The following NME7 variants were observed in gnomAD, a reference collection of about 807,000 sequenced individuals.
NME7 encodes NME/NM23 family member 7.
A neutral mutation model predicts 49.1 loss-of-function variants in NME7; 41 were observed. The ratio of observed to expected loss-of-function variants is 0.83; its 90% CI spans 0.65 to 1.08. The LOEUF is 1.08. Among genes scored for constraint, NME7 ranks in the 50% least tolerant of loss-of-function variants. The pLI is 0.00. For synonymous variants in NME7, 139 were observed against 150.6 expected (o/e 0.92, Z 0.56); for missense variants, 423 against 463.4 (o/e 0.91, Z 0.80).
intron 1 of NME7, among the ~76,000 whole-genome samples, chr1:169,363,044 A>G (rs1241234375): frequency 6.6e-6 from 1 of 151,702 alleles, no homozygotes; most frequent in East Asian, 1.9e-4. Context: ...GTCCAAGACC[A>G]GGCTGGGCAG....
intron 7 of NME7, among the ~76,000 whole-genome samples, chr1:169,253,878 T>C (rs1278126832): frequency 1.3e-5 from 2 of 150,966 alleles, no homozygotes; most frequent in African/African-American, 4.9e-5. Flanking sequence ...TTGATTTGTG[T>C]ATATTGAACC....
intron 10 of NME7, among the ~76,000 whole-genome samples, chr1:169,195,902 C>T (rs1660369073): frequency 6.6e-6 from 1 of 152,064 alleles, no homozygotes; most frequent in Admixed American, 6.5e-5. Context: ...TGTTTAGAAG[C>T]TAATACTTAC....
chr1:169,164,073 G>A (rs919849314), intron 11 of NME7, among the ~76,000 whole-genome samples: 1 of 148,702 alleles, frequency 6.7e-6, no homozygotes, highest in African/African-American at 2.5e-5. Flanking sequence ...CTGCACCACT[G>A]CACTCCAGCC....
intron 11 of NME7, among the ~76,000 whole-genome samples, chr1:169,135,039 A>AAAAAAAAAAAAAAG (rs1658388594): frequency 6.7e-6 from 1 of 148,854 alleles, no homozygotes. Context: ...AAAAAAAAAA[A>AAAAAAAAAAAAAAG]AATAGCCGAG....
chr1:169,269,078 G>T, intron 7 of NME7, among the ~76,000 whole-genome samples: 1 of 131,364 alleles, frequency 7.6e-6, no homozygotes, highest in Admixed American at 7.5e-5. Flanking sequence ...ACCTCTTCAG[G>T]GCCATTAAAT....
chr1:169,328,581 A>G (rs1652147865), intron 1 of NME7, among the ~76,000 whole-genome samples: 1 of 152,210 alleles, frequency 6.6e-6, no homozygotes, highest in African/African-American at 2.4e-5. Context: ...GGAAAAAGGG[A>G]TTTATGATGG....
chr1:169,208,702 G>T (rs1490240632), intron 10 of NME7, among the ~76,000 whole-genome samples: 1 of 152,062 alleles, frequency 6.6e-6, no homozygotes, highest in Non-Finnish European at 1.5e-5. Context: ...AGTAATAAGT[G>T]TAACATCTCA....
At chr1:169,230,226 A>G (rs1254150177) in intron 10 of NME7, among the ~76,000 whole-genome samples, 1 of 152,132 alleles carries the variant, frequency 6.6e-6, no homozygotes, top group Non-Finnish European at 1.5e-5. Context: ...TGCACTGTTA[A>G]ATGTCCAAGA....
intron 11 of NME7, among the ~76,000 whole-genome samples, chr1:169,167,771 A>G (rs1288474278): frequency 1.3e-5 from 2 of 152,222 alleles, no homozygotes; most frequent in Non-Finnish European, 2.9e-5. Flanking sequence ...AATGAATACC[A>G]GCCTATTGGA....
chr1:169,216,420 A>G (rs1289656173), intron 10 of NME7, among the ~76,000 whole-genome samples: 1 of 152,262 alleles, frequency 6.6e-6, no homozygotes, highest in African/African-American at 2.4e-5. Context: ...GCTTCCAGAT[A>G]GCTGAGCAAA....
At chr1:169,337,982 G>A (rs986911776) in intron 1 of NME7, among the ~76,000 whole-genome samples, 2 of 152,112 alleles carry the variant, frequency 1.3e-5, no homozygotes, top group African/African-American at 4.8e-5. Context: ...AATCTATCTT[G>A]TAAAGACAGA....
intron 3 of NME7, among the ~76,000 whole-genome samples, chr1:169,318,781 A>C (rs972883108): frequency 2.0e-5 from 3 of 152,024 alleles, no homozygotes; most frequent in Non-Finnish European, 4.4e-5. Context: ...AATGAGAAAA[A>C]AAGGGCCATG....
chr1:169,294,200 T>C (rs761305582), intron 6 of NME7, among the ~76,000 whole-genome samples: 11 of 152,256 alleles, frequency 7.2e-5, no homozygotes, highest in Middle Eastern at 3.4e-3. Context: ...GGTTCAATCA[T>C]TATCTTATTT....
chr1:169,215,499 G>T (rs1660950682), intron 10 of NME7, among the ~76,000 whole-genome samples: 1 of 152,034 alleles, frequency 6.6e-6, no homozygotes, highest in Admixed American at 6.6e-5. Context: ...TCTGCCTAGA[G>T]TTTCTCTGCC....
intron 6 of NME7, among the ~76,000 whole-genome samples, chr1:169,293,955 A>G (rs1463643421): frequency 1.3e-5 from 2 of 152,110 alleles, no homozygotes; most frequent in African/African-American, 4.8e-5. Context: ...TATGAATGGA[A>G]ATCTCTTCTA....
chr1:169,247,900 A>C (rs564556162), intron 7 of NME7, among the ~76,000 whole-genome samples: 8 of 152,180 alleles, frequency 5.3e-5, no homozygotes, highest in African/African-American at 1.9e-4. Context: ...GGACACTTAG[A>C]TTGGTTCCAT....
chr1:169,251,087 C>T (rs1187495166), intron 7 of NME7, among the ~76,000 whole-genome samples: 1 of 151,846 alleles, frequency 6.6e-6, no homozygotes, highest in African/African-American at 2.4e-5. Context: ...CAGTCTCATA[C>T]TATTATTATT....
At chr1:169,301,606 G>A (rs1650941746) in intron 5 of NME7, among the ~76,000 whole-genome samples, 1 of 151,950 alleles carries the variant, frequency 6.6e-6, no homozygotes, top group Non-Finnish European at 1.5e-5. Context: ...CTGCCAAAAA[G>A]ACACATGCCC....
chr1:169,367,561 C>T, intron 1 of NME7, 147 bp downstream of exon 1: 1 of 857,864 alleles, frequency 1.2e-6, no homozygotes, highest in Non-Finnish European at 2.0e-6. Flanking sequence ...GAGGAGACTG[C>T]AGGAACAGCC....
Sources: gnomAD v4.1 joint callset for allele counts (sites outside exome capture counted in the v4.1 genomes callset) on GRCh38, gnomAD v4.1.1 for gene constraint, MANE v1.5 for transcripts, NCBI Gene and HGNC (gene_info 2026-07-23, HGNC 2026-07-21) for gene names.